XKR6: variants seen among roughly 807,000 people sequenced by gnomAD.
XKR6 encodes the protein XK related 6.
Under a neutral mutation model 56.7 loss-of-function variants are expected in XKR6, and 22 were observed. The observed-to-expected ratio is 0.39, with a 90% CI of 0.28 to 0.55. XKR6 has a LOEUF of 0.55. XKR6 is among the 20% of genes least tolerant of loss of function. The pLI, the probability that XKR6 is intolerant of heterozygous loss-of-function variation, is 0.66. For synonymous variants in XKR6, 524 were observed against 387.8 expected, an observed-to-expected ratio of 1.35 and a Z score of -4.13; for missense variants, 852 against 889.0, an observed-to-expected ratio of 0.96 and a Z score of 0.53.
intron 1 of XKR6, among the ~76,000 whole-genome samples, chr8:10,973,238 C>T (rs1217698670): frequency 6.6e-6 from 1 of 152,184 alleles, no homozygotes; most frequent in Non-Finnish European, 1.5e-5. Flanking sequence ...ACTAATGGGT[C>T]ATATATGTCC....
intron 1 of XKR6, among the ~76,000 whole-genome samples, chr8:10,966,579 C>CTG (rs1802231066): frequency 6.6e-6 from 1 of 152,152 alleles, no homozygotes; most frequent in Admixed American, 6.5e-5. Flanking sequence ...GAGGCTGAGG[C>CTG]AGAAGAATGG....
chr8:10,976,991 C>G (rs1329646159), intron 1 of XKR6, among the ~76,000 whole-genome samples: 1 of 152,032 alleles, frequency 6.6e-6, no homozygotes, highest in African/African-American at 2.4e-5. Context: ...CCCATCCCAC[C>G]ACAACACCGA....
At chr8:11,009,192 G>A (rs528044160) in intron 1 of XKR6, among the ~76,000 whole-genome samples, 1 of 152,234 alleles carries the variant, frequency 6.6e-6, no homozygotes, top group Admixed American at 6.5e-5. Context: ...AGTGGTGCAT[G>A]TCTCTTTCGC....
chr8:11,188,136 G>C lies in XKR6; in HGVS notation c.764+12440C>G, dbSNP rs140697084. Among the ~76,000 whole-genome samples the C allele has an allele frequency of 3.0e-3, 464 of 152,142 alleles. 3 individuals carry two copies. The highest frequency in any genetic ancestry group is 5.3e-3 in the Non-Finnish European group (363 of 68,004). On this transcript the variant is annotated intron_variant, in intron 1 of 2. Transcript: ENST00000416569. ...GTAGGTATGAGCCCATCGCTAATTT[G>C]AGATAGTGAGTTGAAATGCCAAGCA...
chr8:11,000,914 A>G (rs1798223795), intron 1 of XKR6, among the ~76,000 whole-genome samples: 1 of 152,140 alleles, frequency 6.6e-6, no homozygotes, highest in Non-Finnish European at 1.5e-5. Context: ...CCCTCCAGCC[A>G]TCAACCAATG....
chr8:11,039,303 C>A (rs561120655), intron 1 of XKR6, among the ~76,000 whole-genome samples: 1 of 152,274 alleles, frequency 6.6e-6, no homozygotes, highest in East Asian at 1.9e-4. Flanking sequence ...GAAGCAACAC[C>A]AGAGGGGGGA....
chr8:10,985,384 ACTT>A (rs1038401302), intron 1 of XKR6, among the ~76,000 whole-genome samples: 1 of 152,036 alleles, frequency 6.6e-6, no homozygotes, highest in African/African-American at 2.4e-5. Context: ...TTCTTCCTGA[ACTT>A]CTTCTGCCAT....
At chr8:10,902,035 C>T (rs183615063) in intron 2 of XKR6, among the ~76,000 whole-genome samples, 144 of 152,262 alleles carry the variant, frequency 9.5e-4, no homozygotes, top group African/African-American at 2.8e-3. Flanking sequence ...GTTTTGAAGG[C>T]GGGTGTTCTG....
intron 2 of XKR6, among the ~76,000 whole-genome samples, chr8:10,923,627 G>C (rs1012035827): frequency 6.6e-6 from 1 of 152,254 alleles, no homozygotes; most frequent in Non-Finnish European, 1.5e-5. Flanking sequence ...CATCTGTTTA[G>C]AGAAAGGCCT....
At chr8:11,054,000 G>A (rs1041456647) in intron 1 of XKR6, among the ~76,000 whole-genome samples, 2 of 152,224 alleles carry the variant, frequency 1.3e-5, no homozygotes, top group African/African-American at 4.8e-5. Flanking sequence ...CAGAACTGGA[G>A]TGGATGTTTT....
At position 11,201,292 on chromosome 8, in the gene XKR6, C is replaced by T; in HGVS notation, c.48G>A (p.Gln16=). ...CCACCGCCTCGTCCAGGTTGTGCAG[C>T]TGAGCGAAGCCCACCCCCACGCCAC... ...DGGGVGVGFA[Q]LHNLDEAVGS... is the part of the protein sequence containing the mutation. Residue 16 remains glutamine (Q), a synonymous_variant, in exon 1 of 3, where the codon CAG becomes CAA. Coordinates refer to ENST00000416569, the MANE Select transcript of XKR6 (RefSeq NM_173683.4). 6.4e-7 allele frequency: 1 copy of T among 1,556,814 alleles called. No homozygotes were observed. Among genetic ancestry groups the T allele is most frequent in the Non-Finnish European group, 8.6e-7 (1 of 1,157,636 alleles).
At chr8:10,930,878 T>C (rs1278180476) in intron 1 of XKR6, among the ~76,000 whole-genome samples, 1 of 152,232 alleles carries the variant, frequency 6.6e-6, no homozygotes, top group Non-Finnish European at 1.5e-5. Context: ...AGGGTTATGA[T>C]GTCTACACAC....
At chr8:11,019,536 G>A (rs896224741) in intron 1 of XKR6, among the ~76,000 whole-genome samples, 15 of 152,230 alleles carry the variant, frequency 9.9e-5, no homozygotes, top group African/African-American at 3.6e-4. Context: ...AGGCACAGGA[G>A]GCAGGACTCA....
intron 1 of XKR6, among the ~76,000 whole-genome samples, chr8:11,015,267 C>T (rs1306020412): frequency 1.3e-5 from 2 of 151,948 alleles, no homozygotes; most frequent in East Asian, 3.9e-4. Flanking sequence ...GCTCTGAAAT[C>T]CTCTCATGCT....
intron 1 of XKR6, among the ~76,000 whole-genome samples, chr8:11,181,542 C>G (rs1344346594): frequency 6.6e-6 from 1 of 151,978 alleles, no homozygotes; most frequent in Non-Finnish European, 1.5e-5. Flanking sequence ...ATTGTTAGAC[C>G]TTTATTTGGA....
At chr8:11,178,750 A>G (rs1003437168) in intron 1 of XKR6, among the ~76,000 whole-genome samples, 3 of 150,408 alleles carry the variant, frequency 2.0e-5, no homozygotes, top group Non-Finnish European at 4.4e-5. Context: ...AATTTTACAT[A>G]TGGTAGGTAA....
chr8:11,053,010 C>T (rs930454289), intron 1 of XKR6, among the ~76,000 whole-genome samples: 10 of 152,152 alleles, frequency 6.6e-5, no homozygotes, highest in Admixed American at 5.9e-4. Context: ...GAGAGCACTG[C>T]GCGGGGTCCA....
chr8:11,148,309 G>T (rs528246636), intron 1 of XKR6, among the ~76,000 whole-genome samples: 15 of 152,304 alleles, frequency 9.8e-5, no homozygotes, highest in African/African-American at 3.6e-4. Context: ...TAGGAAATTT[G>T]GACACAGAAA....
intron 1 of XKR6, among the ~76,000 whole-genome samples, chr8:11,134,112 A>C (rs2116906930): frequency 6.6e-6 from 1 of 152,234 alleles, no homozygotes; most frequent in African/African-American, 2.4e-5. Context: ...GTTCATTTGG[A>C]GAACTCTTAC....
Sources: allele counts gnomAD v4.1 joint callset (sites outside exome capture counted in the v4.1 genomes callset), GRCh38; gene constraint gnomAD v4.1.1; transcripts MANE v1.5; gene names NCBI Gene and HGNC (gene_info 2026-07-23, HGNC 2026-07-21).